Variants in PCP4L1 observed in about 807,000 individuals in gnomAD.
PCP4L1 encodes Purkinje cell protein 4-like protein 1.
PCP4L1 carries 9 observed loss-of-function variants against 9.6 expected under a neutral mutation model. The observed-to-expected ratio is 0.94, with a 90% CI of 0.57 to 1.64. PCP4L1 has a LOEUF of 1.64. PCP4L1 is among the 40% of genes most tolerant of loss of function. The pLI, the probability that PCP4L1 is intolerant of heterozygous loss-of-function variation, is 0.00. For missense variants in PCP4L1, 81 were observed against 80.8 expected (o/e 1.00, Z -0.01); for synonymous variants, 31 against 28.2 (o/e 1.10, Z -0.31).
At chr1:161,282,891 A>G (rs942064521) in intron 1 of PCP4L1, among the ~76,000 whole-genome samples, 1 of 152,084 alleles carries the variant, frequency 6.6e-6, no homozygotes, top group African/African-American at 2.4e-5. Context: ...CTTCATCGCC[A>G]CCATGCTGAT....
Position 161,284,725 on chromosome 1 carries a change from G to A in PCP4L1, c.*244G>A, listed in dbSNP as rs530576364. The A allele has an allele frequency of 5.4e-6, 3 of 554,510 alleles. No homozygotes were observed. Among genetic ancestry groups the A allele is most frequent in the Admixed American group, 6.2e-5 (2 of 32,132 alleles). 34.3% of individuals were successfully genotyped at this position (554,510 alleles called of 1,614,324 possible). On this transcript the variant is annotated 3_prime_UTR_variant, in exon 3 of 3. Transcript: ENST00000504449. The stretch of plus-strand genomic sequence containing the variant: ...TGGAACAATTTCTTCTTGGTATAAG[G>A]TTCTTTGATCAGTAGCTATGCCTGC...
chr1:161,268,794 C>T (rs1428887150), intron 1 of PCP4L1, among the ~76,000 whole-genome samples: 2 of 152,168 alleles, frequency 1.3e-5, no homozygotes, highest in Non-Finnish European at 2.9e-5. Flanking sequence ...AATGATCCAC[C>T]CGCCTTGGGC....
At chr1:161,272,103 G>A (rs1027024220) in intron 1 of PCP4L1, among the ~76,000 whole-genome samples, 2 of 151,376 alleles carry the variant, frequency 1.3e-5, no homozygotes, top group Non-Finnish European at 2.9e-5. Flanking sequence ...ACCGTGCCCT[G>A]CCTAATTGTA....
At chr1:161,276,815 T>G (rs548996663) in intron 1 of PCP4L1, among the ~76,000 whole-genome samples, 3 of 151,766 alleles carry the variant, frequency 2.0e-5, no homozygotes, top group Non-Finnish European at 4.4e-5. Context: ...TTACACAAAA[T>G]TTGGACCATA....
intron 1 of PCP4L1, among the ~76,000 whole-genome samples, chr1:161,276,675 A>C (rs905229946): frequency 1.6e-5 from 2 of 127,006 alleles, no homozygotes; most frequent in Admixed American, 8.8e-5. Flanking sequence ...AGCAAGACTT[A>C]TCTCTTAAAA....
At chr1:161,268,612 C>T (rs114050665) in intron 1 of PCP4L1, among the ~76,000 whole-genome samples, 8,101 of 138,974 alleles carry the variant, frequency 0.058, 314 homozygotes, top group Middle Eastern at 0.099. Flanking sequence ...TGCAATGGCA[C>T]GATCTCAGCT....
intron 1 of PCP4L1, 71 bp from the exon 2 acceptor site, chr1:161,283,597 T>A (rs1300308985): frequency 2.1e-6 from 3 of 1,397,880 alleles, no homozygotes; most frequent in East Asian, 5.0e-5. Context: ...ATATAAGAGG[T>A]CTAAGGTGAT....
intron 1 of PCP4L1, among the ~76,000 whole-genome samples, chr1:161,273,057 T>G (rs1477154118): frequency 6.6e-6 from 1 of 152,184 alleles, no homozygotes; most frequent in Admixed American, 6.6e-5. Flanking sequence ...CTCTCCTTCC[T>G]TTCCTTCTTC....
At chr1:161,260,874 T>C (rs1246048954) in intron 1 of PCP4L1, among the ~76,000 whole-genome samples, 3 of 152,164 alleles carry the variant, frequency 2.0e-5, no homozygotes, top group South Asian at 2.1e-4. Flanking sequence ...AATTTAGTCA[T>C]AGAAGCTGTC....
chr1:161,263,045 G>A (rs565459758), intron 1 of PCP4L1, among the ~76,000 whole-genome samples: 18 of 152,206 alleles, frequency 1.2e-4, no homozygotes, highest in Non-Finnish European at 2.2e-4. Flanking sequence ...GTTAAGGAAC[G>A]CTAAAGATCA....
intron 1 of PCP4L1, among the ~76,000 whole-genome samples, chr1:161,280,600 C>T (rs1370962160): frequency 1.3e-5 from 2 of 152,122 alleles, no homozygotes; most frequent in African/African-American, 2.4e-5. Context: ...CCCTTGCTCC[C>T]CTCCTTCATG....
At position 161,284,803 on chromosome 1, in the gene PCP4L1, A is replaced by T. The variant is rs1221913851; in HGVS notation, c.*322A>T. The T allele has an allele frequency of 3.2e-6, 1 of 310,766 alleles. No homozygotes were observed. Among genetic ancestry groups the T allele is most frequent in the Non-Finnish European group, 6.0e-6 (1 of 166,894 alleles). The allele number at this position is 310,766 out of a possible 1,614,324, so 19.3% of individuals were successfully genotyped here. On this transcript the variant is annotated 3_prime_UTR_variant, in exon 3 of 3. Transcript: ENST00000504449. ...GGCTGAGAGATCTCCCCAAAGAACAATGTGGGAAGGAGGGGAAGGCTTTCA... is the reference window on the plus strand; with the variant it reads ...GGCTGAGAGATCTCCCCAAAGAACATTGTGGGAAGGAGGGGAAGGCTTTCA...
chr1:161,284,605 C>A lies in PCP4L1; in HGVS notation c.*124C>A. The A allele has an allele frequency of 2.3e-6, 3 of 1,294,214 alleles. No individual in the cohort carries two copies. Among genetic ancestry groups the A allele is most frequent in the Non-Finnish European group, 3.2e-6 (3 of 947,738 alleles). The allele number at this position is 1,294,214 out of a possible 1,614,324, so 80.2% of individuals were successfully genotyped here. ...TTGAGGCAAGTTCAACCTTTATATA[C>A]TCTTGTATCTGGCCCCCTCAAGCCA... On this transcript the variant is annotated 3_prime_UTR_variant, in exon 3 of 3. Coordinates refer to ENST00000504449, the MANE Select transcript of PCP4L1 (RefSeq NM_001102566.2).
chr1:161,279,632 A>G (rs929824165), intron 1 of PCP4L1, among the ~76,000 whole-genome samples: 5 of 152,232 alleles, frequency 3.3e-5, no homozygotes, highest in Admixed American at 6.5e-5. Context: ...AAGCTGTTCC[A>G]AGAATTAGAT....
intron 1 of PCP4L1, among the ~76,000 whole-genome samples, chr1:161,282,268 T>G (rs1269047012): frequency 6.6e-6 from 1 of 151,890 alleles, no homozygotes; most frequent in Middle Eastern, 3.2e-3. Context: ...GCGCCTGCAA[T>G]AGCAGGCACT....
chr1:161,275,113 G>T (rs770367487), intron 1 of PCP4L1, among the ~76,000 whole-genome samples: 14 of 152,312 alleles, frequency 9.2e-5, no homozygotes, highest in South Asian at 6.2e-4. Context: ...CAGAGGGAAA[G>T]TGGCAGCCTG....
intron 1 of PCP4L1, among the ~76,000 whole-genome samples, chr1:161,279,972 C>A (rs1669766758): frequency 6.6e-6 from 1 of 152,148 alleles, no homozygotes; most frequent in Admixed American, 6.5e-5. Context: ...TTACGTTTAA[C>A]TCTCCATCTG....
At chr1:161,268,425 T>C (rs1206802632) in intron 1 of PCP4L1, among the ~76,000 whole-genome samples, 1 of 152,208 alleles carries the variant, frequency 6.6e-6, no homozygotes, top group East Asian at 1.9e-4. Flanking sequence ...CTGCAATAAA[T>C]ACCTCAGCAT....
rs1347459433 is a variant in PCP4L1 at position 161,258,999 on chromosome 1, C to G, written c.9+16C>G. 4.6e-6 allele frequency: 7 copies of G among 1,531,408 alleles called. No individual in the cohort carries two copies. Among genetic ancestry groups the G allele is most frequent in the Non-Finnish European group, 6.1e-6 (7 of 1,144,848 alleles). The allele number at this position is 1,531,408 out of a possible 1,614,324, so 94.9% of individuals were successfully genotyped here. On this transcript the variant is annotated intron_variant, in intron 1 of 2. Coordinates refer to ENST00000504449, the MANE Select transcript of PCP4L1 (RefSeq NM_001102566.2). ...GATGAGCGAGGTGAGCGGTGCGGCCCCCGGCGCTGTCGGCAGGGCTGCGGC... is the reference window on the plus strand; with the variant it reads ...GATGAGCGAGGTGAGCGGTGCGGCCGCCGGCGCTGTCGGCAGGGCTGCGGC...
Sources: gnomAD v4.1 joint callset for allele counts (sites outside exome capture counted in the v4.1 genomes callset) on GRCh38, gnomAD v4.1.1 for gene constraint, MANE v1.5 for transcripts, NCBI Gene and HGNC (gene_info 2026-07-23, HGNC 2026-07-21) for gene names.